Variants in ADGRV1 observed in about 807,000 individuals in gnomAD.
ADGRV1 encodes adhesion G protein-coupled receptor V1, also known as G-protein coupled receptor 98.
A neutral mutation model predicts 596.2 loss-of-function variants in ADGRV1; 359 were observed. The observed-to-expected ratio is 0.60, with a 90% CI of 0.55 to 0.66. The LOEUF (loss-of-function observed/expected upper bound fraction) is 0.66, where lower values mean the gene tolerates loss of function less well. Ranked by LOEUF, ADGRV1 falls within the 30% of genes least tolerant of loss-of-function variation. The probability of loss-of-function intolerance (pLI) is 0.00; values close to 1 mark genes in which losing one functional copy is unlikely to be tolerated. For synonymous variants in ADGRV1, 2,681 were observed against 2,679.2 expected, an observed-to-expected ratio of 1.00 and a Z score of -0.02; for missense variants, 7,274 against 7,575.6, an observed-to-expected ratio of 0.96 and a Z score of 1.48.
chr5:91,143,284 C>T (rs527643589), intron 87 of ADGRV1, among the ~76,000 whole-genome samples: 27 of 152,340 alleles, frequency 1.8e-4, no homozygotes, highest in South Asian at 1.7e-3. Context: ...TCCTTGTTGC[C>T]TGCAATATGG....
intron 58 of ADGRV1, among the ~76,000 whole-genome samples, chr5:90,761,433 G>A (rs1756503010): frequency 6.6e-6 from 1 of 152,188 alleles, no homozygotes; most frequent in Non-Finnish European, 1.5e-5. Flanking sequence ...TAGCTTATAA[G>A]TTTAGATTAC....
At chr5:90,731,947 GA>G (rs1198585693) in intron 50 of ADGRV1, among the ~76,000 whole-genome samples, 1 of 152,012 alleles carries the variant, frequency 6.6e-6, no homozygotes, top group African/African-American at 2.4e-5. Flanking sequence ...TTTAATTTTT[GA>G]AAATCTCTTT....
intron 83 of ADGRV1, among the ~76,000 whole-genome samples, chr5:90,908,194 T>C (rs1420225363): frequency 6.6e-6 from 1 of 152,164 alleles, no homozygotes; most frequent in African/African-American, 2.4e-5. Context: ...CATACATGGA[T>C]AGATTATACT....
In ADGRV1 at chr5:90,653,715, A is replaced by G. The variant is rs984358394; in HGVS notation, c.4141A>G (p.Ile1381Val). ...IIAKDDGNGS[I>V]YYGVKIQTNE... Reference sequence around the variant, plus strand: ...AGCGAAGGATGACGGTAATGGAAGCATCTACTACGGGGTAAAAATACAAAC... The same window carrying G: ...AGCGAAGGATGACGGTAATGGAAGCGTCTACTACGGGGTAAAAATACAAAC... The change falls in exon 20 of 90, where the codon ATC becomes GTC. Residue 1381 changes from isoleucine to valine, a missense_variant. This residue lies in a region of ADGRV1 where 1,715 missense variants were observed against 1,708.8 expected (regional missense o/e 1.00). Coordinates refer to ENST00000405460, the MANE Select transcript of ADGRV1 (RefSeq NM_032119.4). 5.0e-6 allele frequency: 8 copies of G among 1,613,104 alleles called. No homozygotes were observed. Among genetic ancestry groups the G allele is most frequent in the Non-Finnish European group, 5.9e-6 (7 of 1,179,574 alleles).
At chr5:90,678,746 A>T (rs561821466) in intron 25 of ADGRV1, among the ~76,000 whole-genome samples, 2 of 151,504 alleles carry the variant, frequency 1.3e-5, no homozygotes, top group South Asian at 4.2e-4. Flanking sequence ...CACTCCCAGG[A>T]TAACAACATT....
chr5:91,055,278 C>G (rs190648265), intron 85 of ADGRV1, among the ~76,000 whole-genome samples: 1,699 of 151,722 alleles, frequency 0.011, 13 homozygotes, highest in Non-Finnish European at 0.018. Context: ...ATTAACCAAA[C>G]ATTTGAATAG....
intron 85 of ADGRV1, among the ~76,000 whole-genome samples, chr5:91,044,440 G>A (rs1785622051): frequency 6.6e-6 from 1 of 152,134 alleles, no homozygotes; most frequent in Non-Finnish European, 1.5e-5. Flanking sequence ...ACTTTTTTAA[G>A]TAGTAATCAC....
intron 84 of ADGRV1, among the ~76,000 whole-genome samples, chr5:90,975,612 C>G (rs1779494119): frequency 6.6e-6 from 1 of 152,036 alleles, no homozygotes; most frequent in Non-Finnish European, 1.5e-5. Flanking sequence ...GATGAAAAAC[C>G]AAACACCGCA....
chr5:90,889,815 A>G (rs1770638736), intron 83 of ADGRV1, among the ~76,000 whole-genome samples: 1 of 152,176 alleles, frequency 6.6e-6, no homozygotes, highest in South Asian at 2.1e-4. Flanking sequence ...TCAAACAGAT[A>G]AGCCCTATCA....
At chr5:90,750,050 A>G (rs1048028531) in intron 52 of ADGRV1, among the ~76,000 whole-genome samples, 3 of 152,210 alleles carry the variant, frequency 2.0e-5, no homozygotes, top group Non-Finnish European at 4.4e-5. Flanking sequence ...TCTAATTCTC[A>G]TGACATCGTT....
chr5:90,638,309 T>C (rs1329242520), intron 11 of ADGRV1, among the ~76,000 whole-genome samples: 1 of 152,060 alleles, frequency 6.6e-6, no homozygotes, highest in African/African-American at 2.4e-5. Flanking sequence ...GCTGGCTTTA[T>C]GTTCAACAGA....
intron 85 of ADGRV1, among the ~76,000 whole-genome samples, chr5:90,993,654 A>G (rs917073464): frequency 3.3e-5 from 5 of 152,102 alleles, no homozygotes; most frequent in African/African-American, 9.7e-5. Context: ...TTGTTGGGTC[A>G]TATGATTTAA....
chr5:90,976,574 T>C (rs1185290181), intron 84 of ADGRV1, among the ~76,000 whole-genome samples: 2 of 152,026 alleles, frequency 1.3e-5, no homozygotes, highest in African/African-American at 4.8e-5. Flanking sequence ...AATAAATTCC[T>C]AGGAATTATG....
chr5:90,784,079 CTT>C (rs777121541), intron 67 of ADGRV1, 22 bp downstream of exon 67: 5 of 1,504,504 alleles, frequency 3.3e-6, no homozygotes, highest in Non-Finnish European at 3.6e-6. Flanking sequence ...TTCCCCATGA[CTT>C]TAAATATAAT....
chr5:90,820,928 C>T (rs1329919071), intron 75 of ADGRV1, among the ~76,000 whole-genome samples: 102 of 151,368 alleles, frequency 6.7e-4, no homozygotes, highest in Non-Finnish European at 1.3e-3. Flanking sequence ...ATCTTTGTGG[C>T]GTTCTCTGCA....
intron 85 of ADGRV1, among the ~76,000 whole-genome samples, chr5:90,994,282 C>T (rs974030952): frequency 1.3e-5 from 2 of 151,984 alleles, no homozygotes; most frequent in Admixed American, 6.6e-5. Flanking sequence ...AGGCTGGTCT[C>T]GAACTCCTGA....
intron 83 of ADGRV1, among the ~76,000 whole-genome samples, chr5:90,898,860 C>A (rs1408091392): frequency 6.6e-6 from 1 of 152,018 alleles, no homozygotes; most frequent in African/African-American, 2.4e-5. Context: ...GCCGGAGGAT[C>A]TCGTGTGTTC....
chr5:90,571,039 C>T (rs2151955380), intron 1 of ADGRV1, among the ~76,000 whole-genome samples: 1 of 152,050 alleles, frequency 6.6e-6, no homozygotes, highest in South Asian at 2.1e-4. Context: ...CTTTGAAGTT[C>T]AGATTCTCCC....
At chr5:91,146,177 A>T (rs776356302) in intron 87 of ADGRV1, among the ~76,000 whole-genome samples, 3 of 152,206 alleles carry the variant, frequency 2.0e-5, no homozygotes, top group Non-Finnish European at 4.4e-5. Flanking sequence ...AATTTTAGTA[A>T]CTATTTAATT....
Sources: gnomAD v4.1 joint callset for allele counts (sites outside exome capture counted in the v4.1 genomes callset) on GRCh38, gnomAD v4.1.1 for gene constraint, gnomAD v4.1.1 regional missense constraint, MANE v1.5 for transcripts, NCBI Gene and HGNC (gene_info 2026-07-23, HGNC 2026-07-21) for gene names.